TAF2: variants seen among roughly 807,000 people sequenced by gnomAD.
The protein encoded by TAF2 is TATA-box binding protein associated factor 2.
A neutral mutation model predicts 138.5 loss-of-function variants in TAF2; 61 were observed. The ratio of observed to expected loss-of-function variants is 0.44; its 90% CI spans 0.36 to 0.54. The LOEUF (loss-of-function observed/expected upper bound fraction) is 0.54. Among genes scored for constraint, TAF2 ranks in the 20% least tolerant of loss-of-function variants. The pLI is 0.00. For missense variants in TAF2, 1,090 were observed against 1,427.9 expected (o/e 0.76, Z 3.81); for synonymous variants, 475 against 469.9 (o/e 1.01, Z -0.14).
chr8:119,759,044 A>G (rs1563837689), intron 20 of TAF2, among the ~76,000 whole-genome samples: 1 of 152,138 alleles, frequency 6.6e-6, no homozygotes, highest in East Asian at 1.9e-4. Context: ...GAGACATTAA[A>G]AACTATCCAT....
chr8:119,795,464 T>C (rs1425199765), intron 9 of TAF2, 68 bp downstream of exon 9: 1 of 1,327,826 alleles, frequency 7.5e-7, no homozygotes, highest in Non-Finnish European at 1.1e-6. Flanking sequence ...ATTTTAAAAG[T>C]ATTTTACAGT....
At chr8:119,767,549 C>T (rs887462638) in intron 18 of TAF2, among the ~76,000 whole-genome samples, 2 of 152,146 alleles carry the variant, frequency 1.3e-5, no homozygotes, top group Non-Finnish European at 2.9e-5. Context: ...GTGAGCTGCC[C>T]GAAGACTGTA....
At position 119,732,078 on chromosome 8, in the gene TAF2, T is replaced by C; in HGVS notation, c.3446A>G (p.His1149Arg). The C allele has an allele frequency of 6.2e-7, 1 of 1,614,182 alleles. No individual in the cohort carries two copies. The highest frequency in any genetic ancestry group is 1.3e-5 in the African/African-American group (1 of 75,050). ...TASKHSDHHH[H>R]HHHEHKKKKK... ...CTTTTTCTTGTGCTCATGGTGATGG[T>C]GGTGATGGTGGTCACTGTGTTTGGA... Residue 1149 changes from histidine to arginine, a missense_variant, in exon 26 of 26, where the codon CAC (histidine) becomes CGC (arginine). By Grantham distance (29) the His-to-Arg change is conservative (BLOSUM62 0). Coordinates refer to ENST00000378164, the MANE Select transcript of TAF2 (RefSeq NM_003184.4).
At chr8:119,798,639 A>C (rs1028183043) in intron 6 of TAF2, among the ~76,000 whole-genome samples, 1 of 152,228 alleles carries the variant, frequency 6.6e-6, no homozygotes, top group African/African-American at 2.4e-5. Flanking sequence ...TGATCAGAGA[A>C]ATATAAGTAA....
At chr8:119,738,172 T>C (rs1374783172) in intron 25 of TAF2, among the ~76,000 whole-genome samples, 1 of 152,004 alleles carries the variant, frequency 6.6e-6, no homozygotes, top group Non-Finnish European at 1.5e-5. Flanking sequence ...TCTCTCTATA[T>C]ATGTACGTAT....
intron 4 of TAF2, among the ~76,000 whole-genome samples, chr8:119,805,507 A>G (rs1318830155): frequency 1.3e-5 from 2 of 152,112 alleles, no homozygotes; most frequent in African/African-American, 2.4e-5. Flanking sequence ...GGAGTTCGAG[A>G]GCAGCCTGGC....
rs375287888 is a variant in TAF2, at chr8:119,744,378, C to A, written c.3124G>T (p.Asp1042Tyr). ...GFQNPFSSSQ[D>Y]EEEIDMDTVH... ...GTATCCATATCAATCTCCTCCTCAT[C>A]TTGAGAACTGGAAAACTAAAACACA... The change falls in exon 24 of 26, where the codon GAT becomes TAT. Residue 1042 changes from aspartate to tyrosine, a missense_variant. By Grantham distance (160) the Asp-to-Tyr change is radical. Around this residue, in one of 3 missense-constraint regions of TAF2, gnomAD observed 580 missense variants for 719.6 expected, o/e 0.81. Transcript: ENST00000378164. 20 of 1,613,294 alleles carry A rather than the reference C, an allele frequency of 1.2e-5. No individual in the cohort carries two copies. Among genetic ancestry groups the A allele is most frequent in the Admixed American group, 1.7e-5 (1 of 59,978 alleles).
chr8:119,806,138 G>A, intron 4 of TAF2, 145 bp downstream of exon 4: 2 of 734,310 alleles, frequency 2.7e-6, no homozygotes, highest in East Asian at 2.9e-5. Flanking sequence ...CTGATCTTAG[G>A]TGATCCACCC....
intron 16 of TAF2, among the ~76,000 whole-genome samples, chr8:119,782,829 G>T (rs1487731533): frequency 1.3e-5 from 2 of 152,026 alleles, no homozygotes; most frequent in Non-Finnish European, 2.9e-5. Context: ...TATTACAGTG[G>T]GATAATTAAG....
At chr8:119,804,872 T>C (rs1250615621) in intron 4 of TAF2, among the ~76,000 whole-genome samples, 2 of 152,194 alleles carry the variant, frequency 1.3e-5, no homozygotes, top group Non-Finnish European at 1.5e-5. Flanking sequence ...ATCACGTTTT[T>C]TGTTATGCTT....
intron 18 of TAF2, among the ~76,000 whole-genome samples, chr8:119,764,085 G>A (rs1449459182): frequency 6.6e-6 from 1 of 150,968 alleles, no homozygotes; most frequent in African/African-American, 2.4e-5. Flanking sequence ...GGTGGAGGTT[G>A]CAGTGAGCCG....
intron 14 of TAF2, among the ~76,000 whole-genome samples, chr8:119,787,862 G>T (rs1823132319): frequency 6.6e-6 from 1 of 152,170 alleles, no homozygotes; most frequent in South Asian, 2.1e-4. Flanking sequence ...TGATAAACTG[G>T]ATAAAGAAAA....
chr8:119,827,472 A>C (rs188832706), intron 2 of TAF2, among the ~76,000 whole-genome samples: 1 of 152,258 alleles, frequency 6.6e-6, no homozygotes, highest in East Asian at 1.9e-4. Flanking sequence ...CTTTCCTCTC[A>C]AACCTGCTGC....
In TAF2 at chr8:119,793,438, A is replaced by C; in HGVS notation, c.1205T>G (p.Ile402Arg). The change falls in exon 10 of 26, where the codon ATA becomes AGA. Residue 402 changes from isoleucine to arginine, a missense_variant. Physicochemically the swap from Ile to Arg is moderately conservative, Grantham distance 97. Around this residue, in one of 3 missense-constraint regions of TAF2, gnomAD observed 504 missense variants for 680.9 expected, o/e 0.74. Transcript: ENST00000378164. The stretch of plus-strand genomic sequence containing the variant: ...ACCAGTTTTTAGTTCATATGCCACT[A>C]TTTTGTCTAGCTCCTAAAAAATATA... ...RHWIKEELDK[I>R]VAYELKTGGV... The C allele has an allele frequency of 6.2e-7, 1 of 1,612,600 alleles. No homozygotes were observed. Among genetic ancestry groups the C allele is most frequent in the Non-Finnish European group, 8.5e-7 (1 of 1,179,084 alleles).
At chr8:119,821,272 C>T (rs1477557766) in intron 2 of TAF2, among the ~76,000 whole-genome samples, 5 of 152,166 alleles carry the variant, frequency 3.3e-5, no homozygotes, top group African/African-American at 1.2e-4. Context: ...TAACTGCAAG[C>T]CTCTCGGGTC....
In TAF2 at chr8:119,831,712, T is replaced by C. The variant is rs758160783; in HGVS notation, c.103A>G (p.Ile35Val). The change falls in exon 2 of 26, where the codon ATC becomes GTC. Residue 35 changes from isoleucine to valine, a missense_variant. Ile to Val is a conservative substitution (Grantham distance 29). This residue lies in a region of TAF2 where 504 missense variants were observed against 680.9 expected (regional missense o/e 0.74). Coordinates refer to ENST00000378164, the MANE Select transcript of TAF2 (RefSeq NM_003184.4). ...TTTCTCTGGAAATTTATGTTGTTGA[T>C]GCAGACGACCTGATGGGTTGTATAT... ...PYKLTHQVVCINNINFQRKSV... is the reference protein window; with the variant it reads ...PYKLTHQVVCVNNINFQRKSV... The C allele has an allele frequency of 1.1e-5, 18 of 1,604,332 alleles. No homozygotes were observed. In the Admixed American group the frequency reaches 2.7e-4, roughly 24 times the overall value.
In TAF2 at chr8:119,789,699, C is replaced by T. The variant is rs1346505998; in HGVS notation, c.1461G>A (p.Lys487=). Residue 487 remains lysine, a synonymous_variant, in exon 12 of 26, where the codon AAG becomes AAA. Coordinates refer to ENST00000378164, the MANE Select transcript of TAF2 (RefSeq NM_003184.4). ...LSLASTASSQ[K]FQSHMWSQML... ...TCTGACTCCACATATGTGACTGGAACTTCTGAGATGAAGCAGTACTAGCCA... is the reference window on the plus strand; with the variant it reads ...TCTGACTCCACATATGTGACTGGAATTTCTGAGATGAAGCAGTACTAGCCA... The T allele has an allele frequency of 6.2e-7, 1 of 1,613,872 alleles. No homozygotes were observed. The highest frequency in any genetic ancestry group is 8.5e-7 in the Non-Finnish European group (1 of 1,179,934).
rs774618794 is a variant in TAF2, at chr8:119,832,555, T to C, written c.10A>G (p.Thr4Ala). 2 of 1,613,256 alleles carry C rather than the reference T, an allele frequency of 1.2e-6. No homozygotes were observed. The highest frequency in any genetic ancestry group is 1.8e-4 in the Middle Eastern group (1 of 5,650). Residue 4 changes from threonine (T) to alanine (A), a missense_variant, in exon 1 of 26, where the codon ACT (threonine) becomes GCT (alanine). By Grantham distance (58) the Thr-to-Ala change is moderately conservative (BLOSUM62 0). This residue lies in a region of TAF2 where 504 missense variants were observed against 680.9 expected (regional missense o/e 0.74). Coordinates refer to ENST00000378164, the MANE Select transcript of TAF2 (RefSeq NM_003184.4). MPL[T>A]GVEPARMNRK... ...TTCATTCTGGCGGGCTCTACACCAG[T>C]CAGCGGCATGAAGCGGTCCCGCGGA...
rs1468614123 is a variant in TAF2 at position 119,809,670 on chromosome 8, T to C, written c.300-3269A>G. 2.6e-5 allele frequency among the ~76,000 whole-genome samples: 4 copies of C among 152,176 alleles called. No homozygotes were observed. In the East Asian group the frequency reaches 7.7e-4, roughly 29 times the overall value. On this transcript the variant is annotated intron_variant, in intron 3 of 25. Coordinates refer to ENST00000378164, the MANE Select transcript of TAF2 (RefSeq NM_003184.4). ...GTTATTAATTGACCTAATTTCAATA[T>C]TGTGTGTCTCAGCAAACAGGGAGGC...
Sources: allele counts gnomAD v4.1 joint callset (sites outside exome capture counted in the v4.1 genomes callset), GRCh38; gene constraint gnomAD v4.1.1; regional missense constraint gnomAD v4.1.1; transcripts MANE v1.5; gene names NCBI Gene and HGNC (gene_info 2026-07-23, HGNC 2026-07-21).